The following ARHGAP42 variants were observed in gnomAD, a reference collection of about 807,000 sequenced individuals.
ARHGAP42 encodes rho GTPase-activating protein 42.
A neutral mutation model predicts 125.0 loss-of-function variants in ARHGAP42; 63 were observed. The ratio of observed to expected loss-of-function variants is 0.50; its 90% CI spans 0.41 to 0.62. The LOEUF is 0.62. ARHGAP42 is among the 20% of genes least tolerant of loss of function. The pLI, the probability that ARHGAP42 is intolerant of heterozygous loss-of-function variation, is 0.00. For missense variants in ARHGAP42, 766 were observed against 1,024.2 expected (o/e 0.75, Z 3.44); for synonymous variants, 339 against 351.0 (o/e 0.97, Z 0.38).
At chr11:100,838,605 A>ACC in intron 3 of ARHGAP42, among the ~76,000 whole-genome samples, 1 of 152,034 alleles carries the variant, frequency 6.6e-6, no homozygotes, top group East Asian at 1.9e-4. Context: ...ACATGGGAGG[A>ACC]TCACTTGAGC....
chr11:100,750,320 G>A (rs760592675), intron 1 of ARHGAP42, among the ~76,000 whole-genome samples: 8 of 152,140 alleles, frequency 5.3e-5, no homozygotes, highest in South Asian at 2.1e-4. Flanking sequence ...CCCTGCTGCT[G>A]TGTCTTTCCC....
chr11:100,923,715 A>C (rs1371078134), intron 6 of ARHGAP42, among the ~76,000 whole-genome samples: 2 of 152,104 alleles, frequency 1.3e-5, no homozygotes, highest in Non-Finnish European at 2.9e-5. Flanking sequence ...TCTGTCATGC[A>C]TGCCTTTCTT....
chr11:100,723,999 T>C (rs1186050410), intron 1 of ARHGAP42, among the ~76,000 whole-genome samples: 1 of 152,184 alleles, frequency 6.6e-6, no homozygotes, highest in Middle Eastern at 3.2e-3. Flanking sequence ...TTTTTCAAAC[T>C]CTTTTAACTT....
chr11:100,979,136 C>T (rs367639327), intron 22 of ARHGAP42, 87 bp downstream of exon 22: 56 of 1,309,396 alleles, frequency 4.3e-5, no homozygotes, highest in Middle Eastern at 1.8e-4. Context: ...GTGACAGCTC[C>T]GCCTCTCCAT....
intron 2 of ARHGAP42, among the ~76,000 whole-genome samples, chr11:100,790,508 A>G (rs1863540394): frequency 6.6e-6 from 1 of 152,202 alleles, no homozygotes; most frequent in Non-Finnish European, 1.5e-5. Flanking sequence ...TTGGACAGGA[A>G]GGGAGAGAGA....
intron 3 of ARHGAP42, among the ~76,000 whole-genome samples, chr11:100,830,763 G>A (rs533255234): frequency 4.3e-4 from 65 of 152,104 alleles, no homozygotes; most frequent in Non-Finnish European, 4.6e-4. Context: ...AGAGTGAGCC[G>A]TCATCTGGCA....
chr11:100,961,762 A>G lies in ARHGAP42; in HGVS notation c.1379A>G (p.Tyr460Cys). The G allele has an allele frequency of 6.4e-7, 1 of 1,551,418 alleles. No homozygotes were observed. Among genetic ancestry groups the G allele is most frequent in the Non-Finnish European group, 8.7e-7 (1 of 1,146,624 alleles). Residue 460 changes from tyrosine to cysteine, a missense_variant, in exon 15 of 24, where the codon TAC (tyrosine) becomes TGC (cysteine). Tyr to Cys is a radical substitution (Grantham distance 194, BLOSUM62 -2). This residue lies in a region of ARHGAP42 where 455 missense variants were observed against 636.5 expected (regional missense o/e 0.71). Transcript: ENST00000298815. ...ACGATAACAAGTGGGCTGAAAAACT[A>G]CCTCAGGTGAGGAGGGTTTAACTCC... ...NKTITSGLKNYLRCLAEPLMT... is the reference protein window; with the variant it reads ...NKTITSGLKNCLRCLAEPLMT...
chr11:100,838,101 G>T (rs1358654514), intron 3 of ARHGAP42, among the ~76,000 whole-genome samples: 2 of 151,634 alleles, frequency 1.3e-5, no homozygotes, highest in Non-Finnish European at 2.9e-5. Flanking sequence ...GTTTCCCATT[G>T]CATTGACGTG....
chr11:100,803,252 A>G (rs922747433), intron 3 of ARHGAP42, among the ~76,000 whole-genome samples: 2 of 151,914 alleles, frequency 1.3e-5, no homozygotes, highest in African/African-American at 4.8e-5. Context: ...TGCGTACTGT[A>G]TATCTAAGTA....
At chr11:100,914,802 CTT>C (rs2135233856) in intron 5 of ARHGAP42, among the ~76,000 whole-genome samples, 1 of 152,266 alleles carries the variant, frequency 6.6e-6, no homozygotes, top group African/African-American at 2.4e-5. Flanking sequence ...CCTCAGCTCT[CTT>C]TATTCCTTTT....
At chr11:100,856,380 AGT>A (rs2135135667) in intron 3 of ARHGAP42, among the ~76,000 whole-genome samples, 1 of 152,110 alleles carries the variant, frequency 6.6e-6, no homozygotes, top group East Asian at 1.9e-4. Context: ...AGAATTGGAG[AGT>A]TTAATCCATA....
chr11:100,988,059 C>T (rs1450968136), intron 23 of ARHGAP42, among the ~76,000 whole-genome samples: 2 of 152,076 alleles, frequency 1.3e-5, no homozygotes, highest in South Asian at 2.1e-4. Context: ...ACCAGGGAGG[C>T]GGAGGTTGCA....
intron 2 of ARHGAP42, among the ~76,000 whole-genome samples, chr11:100,772,441 G>T (rs1863005589): frequency 6.6e-6 from 1 of 152,294 alleles, no homozygotes; most frequent in African/African-American, 2.4e-5. Context: ...AGAAGTGTTA[G>T]TTAATTTGAG....
chr11:100,950,756 G>T (rs997573428), intron 12 of ARHGAP42, among the ~76,000 whole-genome samples: 2 of 151,776 alleles, frequency 1.3e-5, no homozygotes, highest in African/African-American at 2.4e-5. Flanking sequence ...TTGTTTCTAG[G>T]GTTATGTATA....
intron 4 of ARHGAP42, among the ~76,000 whole-genome samples, chr11:100,877,225 T>C (rs1006518255): frequency 1.6e-4 from 25 of 152,202 alleles, no homozygotes; most frequent in African/African-American, 5.8e-4. Context: ...TCAGAAACAA[T>C]AGAGTTCCAT....
chr11:100,954,533 TTTC>T (rs1283645916), intron 12 of ARHGAP42, among the ~76,000 whole-genome samples: 1 of 152,154 alleles, frequency 6.6e-6, no homozygotes, highest in Non-Finnish European at 1.5e-5. Context: ...CAATAAGCTT[TTTC>T]TTCTTCTCAT....
intron 1 of ARHGAP42, among the ~76,000 whole-genome samples, chr11:100,731,689 A>G (rs763030604): frequency 2.0e-5 from 3 of 152,090 alleles, no homozygotes; most frequent in South Asian, 2.1e-4. Context: ...TGGGTAAGCT[A>G]TTGTTTAGTC....
At chr11:100,733,930 GTTTTT>G (rs774845588) in intron 1 of ARHGAP42, among the ~76,000 whole-genome samples, 1 of 113,338 alleles carries the variant, frequency 8.8e-6, no homozygotes, top group African/African-American at 3.2e-5. Flanking sequence ...AAGCAAAGTT[GTTTTT>G]TTTTTTTTTT....
chr11:100,977,058 A>C (rs1378001989), intron 21 of ARHGAP42, 87 bp downstream of exon 21: 17 of 1,426,888 alleles, frequency 1.2e-5, no homozygotes, highest in Non-Finnish European at 1.6e-5. Flanking sequence ...GAATCCCACA[A>C]GTTGAATACA....
Sources: gnomAD v4.1 joint callset for allele counts (sites outside exome capture counted in the v4.1 genomes callset) on GRCh38, gnomAD v4.1.1 for gene constraint, gnomAD v4.1.1 regional missense constraint, MANE v1.5 for transcripts, NCBI Gene and HGNC (gene_info 2026-07-23, HGNC 2026-07-21) for gene names.